The following CNTN5 variants were observed in gnomAD, a reference collection of about 807,000 sequenced individuals.
The protein encoded by CNTN5 is contactin-5.
CNTN5 carries 77 observed loss-of-function variants against 129.1 expected under a neutral mutation model. The observed-to-expected ratio is 0.60, with a 90% CI of 0.50 to 0.72. The LOEUF is 0.72. Among genes scored for constraint, CNTN5 ranks in the 30% least tolerant of loss-of-function variants. The pLI is 0.00. For synonymous variants in CNTN5, 509 were observed against 465.6 expected, an observed-to-expected ratio of 1.09 and a Z score of -1.20; for missense variants, 1,478 against 1,328.8, an observed-to-expected ratio of 1.11 and a Z score of -1.75.
Position 100,017,053 on chromosome 11 carries a change from A to T in CNTN5, c.980+14917A>T, listed in dbSNP as rs1940863748. Reference sequence around the variant, plus strand: ...CAAAGCTAAATGATAAGTACTTTTGATCATTTTTATTCCCACTTTTCTTTT... The same window carrying T: ...CAAAGCTAAATGATAAGTACTTTTGTTCATTTTTATTCCCACTTTTCTTTT... On this transcript the variant is annotated intron_variant, in intron 9 of 24. Coordinates refer to ENST00000524871, the MANE Select transcript of CNTN5 (RefSeq NM_014361.4). Among the ~76,000 whole-genome samples the T allele has an allele frequency of 2.6e-5, 4 of 151,994 alleles. No homozygotes were observed. The South Asian group carries it at 6.2e-4, about 24-fold the overall frequency.
At chr11:99,191,150 T>C (rs1313191807) in intron 1 of CNTN5, among the ~76,000 whole-genome samples, 1 of 151,836 alleles carries the variant, frequency 6.6e-6, no homozygotes, top group Non-Finnish European at 1.5e-5. Flanking sequence ...ATTTATAGAT[T>C]TGCCTGTGTT....
intron 9 of CNTN5, among the ~76,000 whole-genome samples, chr11:100,052,938 C>A (rs947512610): frequency 6.6e-6 from 1 of 151,680 alleles, no homozygotes; most frequent in Non-Finnish European, 1.5e-5. Flanking sequence ...AAAAATGCCA[C>A]TTTATTCAAT....
intron 1 of CNTN5, among the ~76,000 whole-genome samples, chr11:99,102,732 T>C (rs1282750293): frequency 1.3e-5 from 2 of 152,180 alleles, no homozygotes; most frequent in Admixed American, 1.3e-4. Flanking sequence ...AACAAGTCTC[T>C]GGGAAGTTAC....
At chr11:99,382,097 T>C (rs1012220845) in intron 2 of CNTN5, among the ~76,000 whole-genome samples, 3 of 152,170 alleles carry the variant, frequency 2.0e-5, no homozygotes, top group African/African-American at 7.2e-5. Flanking sequence ...CATATTTACA[T>C]CCTTGGTATG....
At chr11:99,582,415 G>A (rs976710929) in intron 3 of CNTN5, among the ~76,000 whole-genome samples, 2 of 152,190 alleles carry the variant, frequency 1.3e-5, no homozygotes, top group African/African-American at 2.4e-5. Flanking sequence ...ATATCCTGCA[G>A]AGTGTTTTCC....
intron 3 of CNTN5, among the ~76,000 whole-genome samples, chr11:99,562,661 A>G (rs929333559): frequency 2.1e-4 from 32 of 152,168 alleles, no homozygotes; most frequent in African/African-American, 5.3e-4. Context: ...AAGATTATCA[A>G]CAGGAGTGAA....
chr11:99,724,293 C>T (rs1173499664), intron 3 of CNTN5, among the ~76,000 whole-genome samples: 1 of 152,180 alleles, frequency 6.6e-6, no homozygotes, highest in Non-Finnish European at 1.5e-5. Context: ...ACCAATGTCA[C>T]ACATCTATCT....
intron 1 of CNTN5, among the ~76,000 whole-genome samples, chr11:99,074,852 C>G (rs1214801549): frequency 6.6e-6 from 1 of 152,068 alleles, no homozygotes; most frequent in African/African-American, 2.4e-5. Context: ...TGCATCACGG[C>G]ACAATGTTCT....
chr11:99,855,924 A>G (rs548834953), intron 6 of CNTN5, among the ~76,000 whole-genome samples: 4 of 152,320 alleles, frequency 2.6e-5, no homozygotes, highest in Non-Finnish European at 2.9e-5. Context: ...AAATACAACT[A>G]TTATCATAAT....
chr11:99,084,603 T>A (rs184577306), intron 1 of CNTN5, among the ~76,000 whole-genome samples: 115 of 152,352 alleles, frequency 7.5e-4, no homozygotes, highest in Non-Finnish European at 1.3e-3. Context: ...ACATTTTTTG[T>A]TACCTTCTAC....
intron 2 of CNTN5, among the ~76,000 whole-genome samples, chr11:99,347,411 A>G (rs189032897): frequency 6.6e-6 from 1 of 152,348 alleles, no homozygotes; most frequent in Admixed American, 6.5e-5. Context: ...TCCACTCACT[A>G]GAAACAAAAG....
At chr11:99,331,650 G>A (rs964181240) in intron 2 of CNTN5, among the ~76,000 whole-genome samples, 1 of 152,114 alleles carries the variant, frequency 6.6e-6, no homozygotes, top group Non-Finnish European at 1.5e-5. Flanking sequence ...CATATCTGCA[G>A]TAGATCAACT....
At chr11:99,624,121 A>T (rs763099906) in intron 3 of CNTN5, among the ~76,000 whole-genome samples, 9 of 151,884 alleles carry the variant, frequency 5.9e-5, no homozygotes, top group Admixed American at 1.3e-4. Context: ...GCTTATTCTC[A>T]TTACAATAGT....
intron 6 of CNTN5, among the ~76,000 whole-genome samples, chr11:99,861,882 T>G (rs1015435125): frequency 6.6e-6 from 1 of 152,214 alleles, no homozygotes; most frequent in Non-Finnish European, 1.5e-5. Flanking sequence ...ACTGTTGTTG[T>G]GAGCATAAAC....
intron 7 of CNTN5, among the ~76,000 whole-genome samples, chr11:99,935,117 C>A (rs927423357): frequency 1.3e-5 from 2 of 150,156 alleles, no homozygotes; most frequent in Non-Finnish European, 3.0e-5. Context: ...AAATTTTATA[C>A]GATATAAAAA....
intron 13 of CNTN5, among the ~76,000 whole-genome samples, chr11:100,175,237 T>C (rs1947928642): frequency 6.6e-6 from 1 of 152,078 alleles, no homozygotes; most frequent in African/African-American, 2.4e-5. Flanking sequence ...CAGGTCTACT[T>C]TTAAAATCCT....
At chr11:99,582,985 C>T (rs542586133) in intron 3 of CNTN5, among the ~76,000 whole-genome samples, 16 of 152,218 alleles carry the variant, frequency 1.1e-4, no homozygotes, top group African/African-American at 3.6e-4. Flanking sequence ...ATGATGGTGA[C>T]GTACAGATGG....
chr11:100,352,888 C>T (rs771146239), intron 24 of CNTN5, among the ~76,000 whole-genome samples: 5 of 151,700 alleles, frequency 3.3e-5, no homozygotes, highest in African/African-American at 7.3e-5. Context: ...TGCTTCAGCA[C>T]GTCAGATTCC....
intron 1 of CNTN5, among the ~76,000 whole-genome samples, chr11:99,156,368 T>A (rs570565917): frequency 3.7e-4 from 57 of 152,198 alleles, no homozygotes; most frequent in African/African-American, 1.4e-3. Context: ...TGGATTTTTT[T>A]ATCATCGAAG....
Sources: allele counts gnomAD v4.1 joint callset (sites outside exome capture counted in the v4.1 genomes callset), GRCh38; gene constraint gnomAD v4.1.1; transcripts MANE v1.5; gene names NCBI Gene and HGNC (gene_info 2026-07-23, HGNC 2026-07-21).